Variants in NPAS3 observed in about 807,000 individuals in gnomAD.
The protein encoded by NPAS3 is neuronal PAS domain-containing protein 3.
Under a neutral mutation model 73.1 loss-of-function variants are expected in NPAS3, and 14 were observed. The observed-to-expected ratio is 0.19, with a 90% CI of 0.13 to 0.30. NPAS3 has a LOEUF of 0.30. Among genes scored for constraint, NPAS3 ranks in the 10% least tolerant of loss-of-function variants. NPAS3 has a pLI of 1.00. For missense variants in NPAS3, 1,096 were observed against 1,250.0 expected, an observed-to-expected ratio of 0.88 and a Z score of 1.86; for synonymous variants, 620 against 541.5, an observed-to-expected ratio of 1.14 and a Z score of -2.01.
chr14:33,300,955 T>C (rs1594636631), intron 3 of NPAS3, among the ~76,000 whole-genome samples: 2 of 152,046 alleles, frequency 1.3e-5, no homozygotes, highest in African/African-American at 4.8e-5. Flanking sequence ...GAAGGTGGAC[T>C]CCCAGCCTCT....
intron 8 of NPAS3, among the ~76,000 whole-genome samples, chr14:33,777,013 A>G (rs1237263916): frequency 6.6e-6 from 1 of 151,896 alleles, no homozygotes; most frequent in Admixed American, 6.6e-5. Context: ...CCTGGGGTTT[A>G]TTATTTAATT....
At chr14:33,324,891 C>T (rs2043621795) in intron 3 of NPAS3, among the ~76,000 whole-genome samples, 1 of 152,006 alleles carries the variant, frequency 6.6e-6, no homozygotes, top group Admixed American at 6.6e-5. Context: ...GTTACGTGTC[C>T]ATGATTTTCA....
At chr14:33,579,779 A>G (rs1298345795) in intron 5 of NPAS3, among the ~76,000 whole-genome samples, 3 of 151,916 alleles carry the variant, frequency 2.0e-5, no homozygotes, top group Admixed American at 6.6e-5. Flanking sequence ...TTTTCCTTGA[A>G]TTTTTTTTCA....
chr14:33,653,900 C>T (rs1288950010), intron 5 of NPAS3, among the ~76,000 whole-genome samples: 1 of 152,118 alleles, frequency 6.6e-6, no homozygotes, highest in Non-Finnish European at 1.5e-5. Flanking sequence ...ATAGATGTGC[C>T]TAAAGGTGTG....
At chr14:33,530,574 G>A (rs990053343) in intron 4 of NPAS3, among the ~76,000 whole-genome samples, 2 of 152,094 alleles carry the variant, frequency 1.3e-5, no homozygotes, top group Non-Finnish European at 1.5e-5. Context: ...ACACATGGAT[G>A]TGAAAGCATC....
At chr14:33,651,056 G>C (rs529327290) in intron 5 of NPAS3, among the ~76,000 whole-genome samples, 9 of 152,342 alleles carry the variant, frequency 5.9e-5, no homozygotes, top group Admixed American at 4.6e-4. Context: ...AAAGACTGCG[G>C]TCATCCCCTC....
In NPAS3 at chr14:33,373,029, A is replaced by G. The variant is rs11847547; in HGVS notation, c.468+5761A>G. On this transcript the variant is annotated intron_variant, in intron 4 of 11. Transcript: ENST00000356141. ...TACTTTTCCAATATAAGGACCAGATAGGATATTTGTATTTTACCTTATTGA... is the reference window on the plus strand; with the variant it reads ...TACTTTTCCAATATAAGGACCAGATGGGATATTTGTATTTTACCTTATTGA... Among the ~76,000 whole-genome samples the G allele has an allele frequency of 3.0e-3, 450 of 152,368 alleles. 3 individuals are homozygous for G. Among genetic ancestry groups the G allele is most frequent in the African/African-American group, 9.6e-3 (398 of 41,580 alleles).
chr14:33,111,368 C>G (rs764751929), intron 2 of NPAS3, among the ~76,000 whole-genome samples: 1 of 152,190 alleles, frequency 6.6e-6, no homozygotes, highest in Non-Finnish European at 1.5e-5. Context: ...AGCTTAATAA[C>G]TGGCACAGTT....
intron 1 of NPAS3, among the ~76,000 whole-genome samples, chr14:33,035,469 G>T (rs1225889865): frequency 6.6e-6 from 1 of 152,110 alleles, no homozygotes; most frequent in African/African-American, 2.4e-5. Context: ...CAACTAAATT[G>T]TAAGCTCAGT....
intron 4 of NPAS3, among the ~76,000 whole-genome samples, chr14:33,392,368 T>A (rs1184931131): frequency 6.6e-6 from 1 of 152,180 alleles, no homozygotes; most frequent in Non-Finnish European, 1.5e-5. Flanking sequence ...GTATTCCTAC[T>A]TTATAGATAA....
chr14:33,797,993 A>G (rs997999976), intron 11 of NPAS3, among the ~76,000 whole-genome samples: 1 of 152,040 alleles, frequency 6.6e-6, no homozygotes, highest in Non-Finnish European at 1.5e-5. Flanking sequence ...CTTAATGTCA[A>G]TCCACTGGCC....
chr14:33,690,156 G>A (rs1295006353), intron 6 of NPAS3, among the ~76,000 whole-genome samples: 6 of 152,152 alleles, frequency 3.9e-5, no homozygotes, highest in African/African-American at 1.4e-4. Context: ...CTTTACTATC[G>A]AATCAGCTTT....
chr14:33,591,592 A>G (rs1044802519), intron 5 of NPAS3, among the ~76,000 whole-genome samples: 9 of 152,196 alleles, frequency 5.9e-5, no homozygotes, highest in African/African-American at 1.9e-4. Flanking sequence ...TAGGCCTTTC[A>G]GTGTCTTACC....
At chr14:33,256,070 C>G (rs2048769989) in intron 3 of NPAS3, among the ~76,000 whole-genome samples, 1 of 152,150 alleles carries the variant, frequency 6.6e-6, no homozygotes, top group Admixed American at 6.5e-5. Flanking sequence ...CAATAGATTA[C>G]CATGGTCACT....
At chr14:33,504,149 G>C (rs1195377857) in intron 4 of NPAS3, among the ~76,000 whole-genome samples, 1 of 151,966 alleles carries the variant, frequency 6.6e-6, no homozygotes, top group Non-Finnish European at 1.5e-5. Context: ...AATCTTTTTA[G>C]CAGAGAGACT....
chr14:33,273,233 C>T (rs1287792210), intron 3 of NPAS3, among the ~76,000 whole-genome samples: 1 of 152,182 alleles, frequency 6.6e-6, no homozygotes, highest in African/African-American at 2.4e-5. Flanking sequence ...CAAATCTCCT[C>T]TCTTTTAAAT....
In NPAS3 at chr14:33,797,355, T is replaced by C. The variant is rs1313405550; in HGVS notation, c.1302-102T>C. ...TTCATGTTTAGTCTTTGAAACTTTC[T>C]AAACTCCAGAAGTCTGGGACAAAGA... On this transcript the variant is annotated intron_variant, in intron 10 of 11. Coordinates refer to ENST00000356141, the Ensembl canonical transcript of NPAS3. 3.8e-6 allele frequency: 5 copies of C among 1,305,838 alleles called. No homozygotes were observed. The South Asian group carries it at 5.5e-5, about 14-fold the overall frequency. The allele number at this position is 1,305,838 out of a possible 1,614,324, so 80.9% of individuals were successfully genotyped here.
At chr14:33,326,439 G>T (rs909118505) in intron 3 of NPAS3, among the ~76,000 whole-genome samples, 1 of 152,144 alleles carries the variant, frequency 6.6e-6, no homozygotes, top group Non-Finnish European at 1.5e-5. Context: ...GTCAACTTCG[G>T]CAAGTTAGAA....
chr14:33,505,172 A>G (rs1193205722), intron 4 of NPAS3, among the ~76,000 whole-genome samples: 2 of 152,056 alleles, frequency 1.3e-5, no homozygotes, highest in African/African-American at 4.8e-5. Flanking sequence ...ACAAGAATAC[A>G]TATCAGCCAG....
Sources: allele counts gnomAD v4.1 joint callset (sites outside exome capture counted in the v4.1 genomes callset), GRCh38; gene constraint gnomAD v4.1.1; transcripts MANE v1.5; gene names NCBI Gene and HGNC (gene_info 2026-07-23, HGNC 2026-07-21).